ERO1A: variants seen among roughly 807,000 people sequenced by gnomAD.
ERO1A encodes endoplasmic reticulum oxidoreductase 1 alpha, also known as ERO1-like protein alpha.
In ERO1A, 49 loss-of-function variants were observed where a neutral mutation model predicts 76.9. The ratio of observed to expected loss-of-function variants is 0.64; its 90% CI spans 0.51 to 0.81. The LOEUF is 0.81. Ranked by LOEUF, ERO1A falls within the 30% of genes least tolerant of loss-of-function variation. The probability of loss-of-function intolerance (pLI) is 0.00; values close to 1 mark genes in which losing one functional copy is unlikely to be tolerated. For synonymous variants in ERO1A, 174 were observed against 181.2 expected (o/e 0.96, Z 0.32); for missense variants, 448 against 542.1 (o/e 0.83, Z 1.72).
At chr14:52,646,123 A>G in intron 15 of ERO1A, 31 bp downstream of exon 15, 1 of 1,587,352 alleles carries the variant, frequency 6.3e-7, no homozygotes, top group South Asian at 1.2e-5. Context: ...TTACTTGGCT[A>G]CCAGAAGCAT....
intron 11 of ERO1A, 43 bp downstream of exon 11, chr14:52,657,873 TA>T: frequency 7.3e-7 from 1 of 1,373,946 alleles, no homozygotes; most frequent in Non-Finnish European, 1.0e-6. Flanking sequence ...TAAGAATATC[TA>T]AAATTAAGAG....
At chr14:52,666,318 T>G (rs12885338) in intron 7 of ERO1A, 57 bp downstream of exon 7, 1 of 1,237,554 alleles carries the variant, frequency 8.1e-7, no homozygotes, top group Non-Finnish European at 1.1e-6. Flanking sequence ...TGATTTTGTT[T>G]ATAAAGAGAA....
At chr14:52,661,950 T>G (rs1293915251) in intron 8 of ERO1A, among the ~76,000 whole-genome samples, 1 of 152,034 alleles carries the variant, frequency 6.6e-6, no homozygotes, top group African/African-American at 2.4e-5. Flanking sequence ...AAATTATTCA[T>G]AATTCCCCAG....
chr14:52,653,007 A>AT, intron 12 of ERO1A, 62 bp downstream of exon 12: 1 of 1,252,840 alleles, frequency 8.0e-7, no homozygotes, highest in Non-Finnish European at 1.1e-6. Flanking sequence ...AAAAAAAAAA[A>AT]TTTATCTTGT....
Position 52,683,848 on chromosome 14 carries a change from G to C in ERO1A, c.174C>G (p.Asn58Lys). ...CDVETIDRFNNYRLFPRLQKL... is the reference protein window; with the variant it reads ...CDVETIDRFNKYRLFPRLQKL... ...TTTGTAGTCTTGGGAAAAGCCTGTAGTTATTAAATCTATCAATGGTTTCAA... is the reference window on the plus strand; with the variant it reads ...TTTGTAGTCTTGGGAAAAGCCTGTACTTATTAAATCTATCAATGGTTTCAA... Residue 58 changes from asparagine to lysine, a missense_variant, in exon 2 of 16, where the codon AAC (asparagine) becomes AAG (lysine). Asn to Lys is a moderately conservative substitution (Grantham distance 94). Around this residue, in one of 2 missense-constraint regions of ERO1A, gnomAD observed 146 missense variants for 130.2 expected, o/e 1.12. Transcript: ENST00000395686. 1 of 1,583,120 alleles carries C rather than the reference G, an allele frequency of 6.3e-7. No homozygotes were observed. Among genetic ancestry groups the C allele is most frequent in the Non-Finnish European group, 8.6e-7 (1 of 1,156,742 alleles).
At chr14:52,647,193 G>C (rs188370960) in intron 13 of ERO1A, 3,196 of 105,490 alleles carry the variant, frequency 0.03, 69 homozygotes, top group Middle Eastern at 0.056. Context: ...GTAGAGGCAG[G>C]GTTTCACCAT....
rs1223459231 is a variant in ERO1A, at chr14:52,643,274, A to T, written c.*296T>A. Reference sequence around the variant, plus strand: ...ATTACATAAAACGCTAGTTTGAGAGACTTAGAACATTCACTTTTATCATAT... The same window carrying T: ...ATTACATAAAACGCTAGTTTGAGAGTCTTAGAACATTCACTTTTATCATAT... On this transcript the variant is annotated 3_prime_UTR_variant, in exon 16 of 16. Transcript: ENST00000395686. 5.0e-6 allele frequency: 1 copy of T among 201,882 alleles called. No homozygotes were observed. Among genetic ancestry groups the T allele is most frequent in the Non-Finnish European group, 9.8e-6 (1 of 101,560 alleles). 12.5% of individuals were successfully genotyped at this position (201,882 alleles called of 1,614,324 possible).
rs1209253624 is a variant in ERO1A at position 52,642,001 on chromosome 14, A to ATAAAT, written c.*1564_*1568dup. On this transcript the variant is annotated 3_prime_UTR_variant, in exon 16 of 16. Transcript: ENST00000395686. ...TAAACTGACATTTCTTAACCACTAT[A>ATAAAT]TAAATAAACCCCACTTTACTACTAA... is the stretch of plus-strand genomic sequence containing the variant. 6.6e-6 allele frequency: 1 copy of ATAAAT among 152,226 alleles called. No individual in the cohort carries two copies. The highest frequency in any genetic ancestry group is 1.9e-4 in the East Asian group (1 of 5,200). The allele number at this position is 152,226 out of a possible 1,614,324, so 9.4% of individuals were successfully genotyped here. A position where few individuals can be genotyped will look rare whatever the true frequency, so the allele number is the denominator to read the frequency against.
chr14:52,655,814 G>A (rs903829946), intron 11 of ERO1A, among the ~76,000 whole-genome samples: 1 of 151,958 alleles, frequency 6.6e-6, no homozygotes, highest in Non-Finnish European at 1.5e-5. Context: ...TGTTTATTGT[G>A]TTCACAAAGT....
At chr14:52,648,861 TA>T (rs1424787015) in intron 13 of ERO1A, among the ~76,000 whole-genome samples, 1 of 152,134 alleles carries the variant, frequency 6.6e-6, no homozygotes, top group Non-Finnish European at 1.5e-5. Flanking sequence ...ATAAACATTG[TA>T]AAATTAAAAC....
At chr14:52,657,726 G>C (rs964007228) in intron 11 of ERO1A, among the ~76,000 whole-genome samples, 191 bp downstream of exon 11, 8 of 152,174 alleles carry the variant, frequency 5.3e-5, no homozygotes, top group Non-Finnish European at 1.0e-4. Context: ...GGTGAAGAGA[G>C]CTAAGAGTAT....
intron 15 of ERO1A, among the ~76,000 whole-genome samples, chr14:52,644,328 C>G (rs555025149): frequency 1.3e-5 from 2 of 151,988 alleles, no homozygotes; most frequent in East Asian, 1.9e-4. Flanking sequence ...GTGGCGTGTG[C>G]CTGTATCCCA....
At chr14:52,671,463 T>C in intron 6 of ERO1A, 167 bp downstream of exon 6, 2 of 525,116 alleles carry the variant, frequency 3.8e-6, no homozygotes, top group Non-Finnish European at 3.4e-6. Context: ...TCTTACTATG[T>C]TGCCCAGTCT....
intron 6 of ERO1A, among the ~76,000 whole-genome samples, chr14:52,667,713 CTG>C (rs1460479156): frequency 6.6e-6 from 1 of 151,946 alleles, no homozygotes; most frequent in East Asian, 1.9e-4. Context: ...CACAGTGAGA[CTG>C]TGTCTCAAAA....
intron 1 of ERO1A, among the ~76,000 whole-genome samples, chr14:52,695,018 G>T (rs12590590): frequency 0.61 from 93,284 of 152,050 alleles, 28,642 homozygotes; most frequent in Middle Eastern, 0.68. Context: ...AAGTGAGAAA[G>T]ATCCAGGTTC....
At chr14:52,646,596 C>A in intron 13 of ERO1A, 135 bp from the exon 14 acceptor site, 1 of 616,276 alleles carries the variant, frequency 1.6e-6, no homozygotes, top group Middle Eastern at 4.4e-4. Flanking sequence ...CACTAATATT[C>A]ATTGATTCTA....
chr14:52,678,556 A>T, intron 3 of ERO1A, 84 bp from the exon 4 acceptor site: 1 of 1,179,692 alleles, frequency 8.5e-7, no homozygotes, highest in South Asian at 1.3e-5. Context: ...TTTATGAGAA[A>T]AATTCATATA....
chr14:52,672,101 T>C (rs2040619726), intron 4 of ERO1A: 2 of 363,780 alleles, frequency 5.5e-6, no homozygotes, highest in East Asian at 1.1e-4. Flanking sequence ...AGTCAGGAGT[T>C]TGAGACCAGG....
chr14:52,672,507 G>A (rs2040636860), intron 4 of ERO1A, among the ~76,000 whole-genome samples: 1 of 151,818 alleles, frequency 6.6e-6, no homozygotes, highest in South Asian at 2.1e-4. Context: ...GGTGGCTCAT[G>A]CCTGAAATCC....
Sources: allele counts gnomAD v4.1 joint callset (sites outside exome capture counted in the v4.1 genomes callset), GRCh38; gene constraint gnomAD v4.1.1; regional missense constraint gnomAD v4.1.1; transcripts MANE v1.5; gene names NCBI Gene and HGNC (gene_info 2026-07-23, HGNC 2026-07-21).